LAMB1: variants seen among roughly 807,000 people sequenced by gnomAD.
LAMB1 encodes the protein laminin subunit beta 1, also known as laminin subunit beta-1.
Under a neutral mutation model 222.3 loss-of-function variants are expected in LAMB1, and 121 were observed. The ratio of observed to expected loss-of-function variants is 0.54; its 90% CI spans 0.47 to 0.63. The LOEUF is 0.63. LAMB1 is among the 30% of genes least tolerant of loss of function. The pLI is 0.00. For synonymous variants in LAMB1, 794 were observed against 807.2 expected (o/e 0.98, Z 0.28); for missense variants, 2,172 against 2,240.8 (o/e 0.97, Z 0.62).
chr7:107,986,328 C>T lies in LAMB1; in HGVS notation c.459G>A (p.Ser153=), dbSNP rs924561817. 1.4e-5 allele frequency: 22 copies of T among 1,608,186 alleles called. No homozygotes were observed. Among genetic ancestry groups the T allele is most frequent in the Admixed American group, 1.7e-5 (1 of 59,766 alleles). Residue 153 remains serine (S), a synonymous_variant, in exon 6 of 34, where the codon TCG becomes TCA. Transcript: ENST00000222399. The stretch of plus-strand genomic sequence containing the variant: ...CACCCCAGGTTTTCCCAAAGTCGGA[C>T]GATCGTTCTATCAGCATAGCAGCTG... ...FRPAAMLIER[S]SDFGKTWGVY...
chr7:107,924,141 C>G (rs2032502841), intron 33 of LAMB1, 54 bp from the exon 34 acceptor site: 28 of 1,524,518 alleles, frequency 1.8e-5, no homozygotes, highest in Non-Finnish European at 2.3e-5. Flanking sequence ...ATGATGATCT[C>G]AAGACAAAGT....
intron 13 of LAMB1, among the ~76,000 whole-genome samples, chr7:107,971,702 T>G (rs2033752055): frequency 6.6e-6 from 1 of 152,222 alleles, no homozygotes; most frequent in Non-Finnish European, 1.5e-5. Flanking sequence ...GTGAATACAT[T>G]CTGGTTTTTA....
Position 107,951,279 on chromosome 7 carries a change from G to C in LAMB1, c.3338C>G (p.Thr1113Ser), listed in dbSNP as rs751719356. Residue 1113 changes from threonine to serine, a missense_variant, in exon 24 of 34, where the codon ACC becomes AGC. By Grantham distance (58) the Thr-to-Ser change is moderately conservative. Transcript: ENST00000222399. ...GAAGAGTTCCTGGCACTCGCTGCAG[G>C]TGCGGCCTCCAAACCCAGGCATGCA... ...CQCMPGFGGR[T>S]CSECQELFWG... 1.2e-5 allele frequency: 20 copies of C among 1,614,044 alleles called. 1 individual carries two copies. The South Asian group carries it at 2.1e-4, about 17-fold the overall frequency.
In LAMB1 at chr7:107,932,272, C is replaced by T. The variant is rs770195132; in HGVS notation, c.4294G>A (p.Gly1432Ser). 4 of 1,614,098 alleles carry T rather than the reference C, an allele frequency of 2.5e-6. No individual in the cohort carries two copies. The highest frequency in any genetic ancestry group is 2.7e-5 in the African/African-American group (2 of 74,926). The change falls in exon 28 of 34, where the codon GGT becomes AGT. Residue 1432 changes from glycine to serine, a missense_variant. Physicochemically the swap from Gly to Ser is moderately conservative, Grantham distance 56. Transcript: ENST00000222399. ...GCGTTGTGTGCAACAGTAACCAGAC[C>T]ACCACAGCCAGGCCCCCCACACTTC... Reference protein sequence around the residue: ...ERKCGGPGCGGLVTVAHNAWQ... With the variant: ...ERKCGGPGCGSLVTVAHNAWQ...
Position 107,975,705 on chromosome 7 carries a change from A to T in LAMB1, c.1173T>A (p.Asp391Glu). The stretch of plus-strand genomic sequence containing the variant: ...TCAACATACGTTCACAGAAATTAGG[A>T]TCTCGGATGTCCCTCTCTGGGTGCT... The part of the protein sequence containing the change: ...YYQHPERDIR[D>E]PNFCERCTCD... The change falls in exon 10 of 34, where the codon GAT becomes GAA. Residue 391 changes from aspartate to glutamate, a missense_variant. Physicochemically the swap from Asp to Glu is conservative, Grantham distance 45. Coordinates refer to ENST00000222399, the MANE Select transcript of LAMB1 (RefSeq NM_002291.3). 2.5e-6 allele frequency: 4 copies of T among 1,611,758 alleles called. No homozygotes were observed. Among genetic ancestry groups the T allele is most frequent in the Non-Finnish European group, 3.4e-6 (4 of 1,178,704 alleles).
intron 27 of LAMB1, among the ~76,000 whole-genome samples, chr7:107,933,131 C>A (rs2116329969): frequency 6.6e-6 from 1 of 152,298 alleles, no homozygotes; most frequent in Non-Finnish European, 1.5e-5. Context: ...CAAAACCTCT[C>A]AAAGATCACC....
chr7:107,935,747 A>G, intron 26 of LAMB1, 91 bp from the exon 27 acceptor site: 1 of 1,351,780 alleles, frequency 7.4e-7, no homozygotes, highest in Non-Finnish European at 1.0e-6. Flanking sequence ...TTCGGGTCCT[A>G]AATTTACTGT....
At chr7:107,931,181 G>A (rs1210435919) in intron 29 of LAMB1, among the ~76,000 whole-genome samples, 175 bp downstream of exon 29, 1 of 152,116 alleles carries the variant, frequency 6.6e-6, no homozygotes, top group South Asian at 2.1e-4. Context: ...TAACATTGGA[G>A]AAAGTTATTT....
Position 107,953,562 on chromosome 7 carries a change from T to C in LAMB1, c.3047A>G (p.Tyr1016Cys), listed in dbSNP as rs763054169. ...GEHCQFCRFG[Y>C]YGDALQQDCR... Reference sequence around the variant, plus strand: ...GTCCTGCTGGAGGGCATCACCATAGTATCCAAACCGGCAGAACTGACAGTG... The same window carrying C: ...GTCCTGCTGGAGGGCATCACCATAGCATCCAAACCGGCAGAACTGACAGTG... Residue 1016 changes from tyrosine (Y) to cysteine (C), a missense_variant, in exon 22 of 34, where the codon TAC becomes TGC. By Grantham distance (194) the Tyr-to-Cys change is radical (BLOSUM62 -2). Coordinates refer to ENST00000222399, the MANE Select transcript of LAMB1 (RefSeq NM_002291.3). 25 of 1,614,142 alleles carry C rather than the reference T, an allele frequency of 1.5e-5. 1 individual carries two copies. The South Asian group carries it at 2.6e-4, about 17-fold the overall frequency.
intron 24 of LAMB1, among the ~76,000 whole-genome samples, chr7:107,944,998 CAG>C (rs113333147): frequency 2.1e-4 from 32 of 152,294 alleles, no homozygotes; most frequent in African/African-American, 6.0e-4. Context: ...GGCAGAGAAT[CAG>C]AAACTTTCTC....
chr7:107,965,625 C>CA (rs2033618924), intron 13 of LAMB1, among the ~76,000 whole-genome samples: 1 of 152,084 alleles, frequency 6.6e-6, no homozygotes, highest in African/African-American at 2.4e-5. Flanking sequence ...GTATACAATA[C>CA]AAAACTCAAA....
chr7:107,988,522 A>G (rs1005878680), intron 5 of LAMB1, among the ~76,000 whole-genome samples: 3 of 152,224 alleles, frequency 2.0e-5, no homozygotes, highest in Non-Finnish European at 2.9e-5. Context: ...ACCAGGGGCT[A>G]GACAAGGAAA....
intron 24 of LAMB1, among the ~76,000 whole-genome samples, chr7:107,941,295 C>T (rs2032975436): frequency 6.6e-6 from 1 of 152,214 alleles, no homozygotes; most frequent in African/African-American, 2.4e-5. Flanking sequence ...ATATCAACAT[C>T]TGACATTTGA....
At chr7:107,950,923 GGTGTGTGTGTGTGTGTGTGTGT>G (rs57060477) in intron 24 of LAMB1, among the ~76,000 whole-genome samples, 5 of 147,750 alleles carry the variant, frequency 3.4e-5, no homozygotes, top group East Asian at 2.0e-4. Context: ...GTGTATTTGT[GGTGTGTGTGTGTGTGTGTGTGT>G]GTGTGTGTGT....
At chr7:107,960,741 C>A (rs2033480941) in intron 17 of LAMB1, 92 bp from the exon 18 acceptor site, 5 of 983,496 alleles carry the variant, frequency 5.1e-6, no homozygotes, top group Non-Finnish European at 7.9e-6. Context: ...CCAAATGCTT[C>A]TTTGACCCTT....
intron 32 of LAMB1, among the ~76,000 whole-genome samples, chr7:107,925,889 T>C (rs1223242992): frequency 1.7e-5 from 2 of 119,076 alleles, no homozygotes; most frequent in Non-Finnish European, 3.3e-5. Context: ...TTTGTCAATA[T>C]AGTTGGTTTA....
chr7:107,966,012 C>G (rs2033628362), intron 13 of LAMB1, among the ~76,000 whole-genome samples: 1 of 151,652 alleles, frequency 6.6e-6, no homozygotes, highest in Non-Finnish European at 1.5e-5. Flanking sequence ...ACAGGAGAAT[C>G]ACTTGAAACC....
In LAMB1 at chr7:107,932,217, T is replaced by A; in HGVS notation, c.4349A>T (p.Asp1450Val). The change falls in exon 28 of 34, where the codon GAT (aspartate) becomes GTT (valine). Residue 1450 changes from aspartate (D) to valine (V), a missense_variant. Physicochemically the swap from Asp to Val is radical, Grantham distance 152 (BLOSUM62 -3). Transcript: ENST00000222399. ...CACTTCAGCCAGGGCACTCAGGACA[T>A]CTTGGTCCAAGTCCATGGCTTTCTG... ...AWQKAMDLDQ[D>V]VLSALAEVEQ... 3 of 1,614,246 alleles carry A rather than the reference T, an allele frequency of 1.9e-6. No homozygotes were observed. Among genetic ancestry groups the A allele is most frequent in the Non-Finnish European group, 2.5e-6 (3 of 1,180,048 alleles).
chr7:108,001,439 C>T lies in LAMB1; in HGVS notation c.213+119G>A, dbSNP rs761949427. 5.4e-5 allele frequency: 63 copies of T among 1,168,412 alleles called. 1 individual carries two copies. In the South Asian group the frequency reaches 9.5e-4, roughly 18 times the overall value. 72.4% of individuals were successfully genotyped at this position (1,168,412 alleles called of 1,614,324 possible). A position where few individuals can be genotyped will look rare whatever the true frequency, so the allele number is the denominator to read the frequency against. On this transcript the variant is annotated intron_variant, in intron 3 of 33. Coordinates refer to ENST00000222399, the MANE Select transcript of LAMB1 (RefSeq NM_002291.3). ...CTACAAGCCTAATCCCGGGACTCCC[C>T]GGCTGGCTGCGCTTCCTATCTGGAT...
Sources: gnomAD v4.1 joint callset for allele counts (sites outside exome capture counted in the v4.1 genomes callset) on GRCh38, gnomAD v4.1.1 for gene constraint, MANE v1.5 for transcripts, NCBI Gene and HGNC (gene_info 2026-07-23, HGNC 2026-07-21) for gene names.